ATP9B: variants seen among roughly 807,000 people sequenced by gnomAD.
ATP9B encodes the protein probable phospholipid-transporting ATPase IIB.
Under a neutral mutation model 146.1 loss-of-function variants are expected in ATP9B, and 110 were observed. The ratio of observed to expected loss-of-function variants is 0.75; its 90% confidence interval spans 0.65 to 0.88. The LOEUF (loss-of-function observed/expected upper bound fraction) is 0.88. Among genes scored for constraint, ATP9B ranks in the 40% least tolerant of loss-of-function variants. The pLI, the probability that ATP9B is intolerant of heterozygous loss-of-function variation, is 0.00. For synonymous variants in ATP9B, 604 were observed against 569.7 expected (o/e 1.06, Z -0.86); for missense variants, 1,499 against 1,496.4 (o/e 1.00, Z -0.03).
chr18:79,376,051 T>C, intron 29 of ATP9B: 1 of 985,202 alleles, frequency 1.0e-6, no homozygotes, highest in Non-Finnish European at 1.2e-6. Flanking sequence ...GAGAACATTC[T>C]CTGGGTGGGC....
At chr18:79,084,227 T>C (rs1252230731) in intron 1 of ATP9B, among the ~76,000 whole-genome samples, 4 of 152,022 alleles carry the variant, frequency 2.6e-5, no homozygotes, top group Admixed American at 2.6e-4. Context: ...ATGTTCATCA[T>C]GTCCAAAAGA....
At chr18:79,368,799 C>G (rs1394659792) in intron 26 of ATP9B, among the ~76,000 whole-genome samples, 2 of 151,984 alleles carry the variant, frequency 1.3e-5, no homozygotes, top group African/African-American at 4.8e-5. Context: ...GACCCTACCA[C>G]CAGCATACTC....
Position 79,126,333 on chromosome 18 carries a change from A to G in ATP9B, c.625A>G (p.Lys209Glu). Residue 209 changes from lysine to glutamate, a missense_variant, in exon 5 of 30, where the codon AAG (lysine) becomes GAG (glutamate). By Grantham distance (56) the Lys-to-Glu change is moderately conservative. Transcript: ENST00000426216. ...IDEFRRFQRD[K>E]EVNSQLYSKL... The stretch of plus-strand genomic sequence containing the variant: ...TGAATTTCGGCGTTTTCAGCGTGAC[A>G]AGGAAGTGAATTCACAACTATATAG... 6.2e-7 allele frequency: 1 copy of G among 1,612,088 alleles called. No individual in the cohort carries two copies. Among genetic ancestry groups the G allele is most frequent in the African/African-American group, 1.3e-5 (1 of 75,034 alleles).
chr18:79,083,640 C>T (rs2146548341), intron 1 of ATP9B, among the ~76,000 whole-genome samples: 1 of 152,210 alleles, frequency 6.6e-6, no homozygotes, highest in Admixed American at 6.5e-5. Flanking sequence ...TCCCTCAGTG[C>T]TTCCCTTGGC....
chr18:79,330,862 T>C (rs1001119610), intron 17 of ATP9B, among the ~76,000 whole-genome samples: 1 of 152,268 alleles, frequency 6.6e-6, no homozygotes, highest in East Asian at 1.9e-4. Flanking sequence ...AATAATACTT[T>C]ATATGTAATC....
intron 1 of ATP9B, among the ~76,000 whole-genome samples, chr18:79,091,898 T>C (rs682591): frequency 0.14 from 20,803 of 152,166 alleles, 2,031 homozygotes; most frequent in African/African-American, 0.27. Context: ...CCACTTGTAT[T>C]GGTTTTGCTG....
At chr18:79,158,044 A>G (rs1474363192) in intron 7 of ATP9B, among the ~76,000 whole-genome samples, 1 of 151,392 alleles carries the variant, frequency 6.6e-6, no homozygotes, top group East Asian at 1.9e-4. Context: ...TCTTCCTTCC[A>G]CTTATTTTCT....
intron 25 of ATP9B, chr18:79,353,809 G>C (rs1436032874): frequency 6.6e-6 from 1 of 152,232 alleles, no homozygotes; most frequent in Non-Finnish European, 1.5e-5. Context: ...AGGCAGCAAT[G>C]GGGTTTTTGT....
At chr18:79,352,804 TC>T (rs1239215633) in intron 25 of ATP9B, 1 of 152,190 alleles carries the variant, frequency 6.6e-6, no homozygotes, top group African/African-American at 2.4e-5. Context: ...AGCATGAACA[TC>T]GTGATGCATG....
chr18:79,311,874 A>G (rs2096654311), intron 15 of ATP9B, among the ~76,000 whole-genome samples: 1 of 152,104 alleles, frequency 6.6e-6, no homozygotes, highest in African/African-American at 2.4e-5. Flanking sequence ...CCTCTCTGTC[A>G]CCATCACCGG....
At chr18:79,081,128 C>A (rs547118284) in intron 1 of ATP9B, among the ~76,000 whole-genome samples, 1 of 152,264 alleles carries the variant, frequency 6.6e-6, no homozygotes, top group East Asian at 1.9e-4. Flanking sequence ...ATGATGCTGG[C>A]CTCATAAAAT....
intron 12 of ATP9B, among the ~76,000 whole-genome samples, chr18:79,266,181 T>G (rs2096201842): frequency 6.6e-6 from 1 of 152,166 alleles, no homozygotes; most frequent in African/African-American, 2.4e-5. Context: ...CTAAAATAAG[T>G]CTTCTCAAAT....
intron 1 of ATP9B, among the ~76,000 whole-genome samples, chr18:79,074,934 G>A (rs779007330): frequency 5.9e-5 from 9 of 152,216 alleles, no homozygotes; most frequent in Non-Finnish European, 1.3e-4. Context: ...CTTGCAGTAA[G>A]ATATTGTGAC....
At chr18:79,077,471 T>G (rs990978454) in intron 1 of ATP9B, among the ~76,000 whole-genome samples, 1 of 152,206 alleles carries the variant, frequency 6.6e-6, no homozygotes, top group African/African-American at 2.4e-5. Flanking sequence ...ATGGGTGGTG[T>G]TACCTTTTAG....
chr18:79,130,383 G>A (rs913769768), intron 5 of ATP9B, among the ~76,000 whole-genome samples: 1 of 151,022 alleles, frequency 6.6e-6, no homozygotes, highest in Non-Finnish European at 1.5e-5. Flanking sequence ...TTAAGCCTAG[G>A]TCAGTTGTAT....
chr18:79,239,502 G>A lies in ATP9B; in HGVS notation c.1108-13879G>A, dbSNP rs749531429. Among the ~76,000 whole-genome samples, 8 of 152,150 alleles carry A rather than the reference G, an allele frequency of 5.3e-5. No individual in the cohort carries two copies. Among genetic ancestry groups the A allele is most frequent in the Non-Finnish European group, 1.0e-4 (7 of 68,034 alleles). On this transcript the variant is annotated intron_variant, in intron 11 of 29. Coordinates refer to ENST00000426216, the MANE Select transcript of ATP9B (RefSeq NM_198531.5). The surrounding 1 kb of genome is among the most constrained non-coding windows in gnomAD (Gnocchi z 5.1). ...TGTGGCAGGGACAGGGACGTAGGAC[G>A]ATGGTGTCACGGCACTTAAAATTGT... is the stretch of plus-strand genomic sequence containing the variant.
At chr18:79,175,920 A>C (rs1327289408) in intron 7 of ATP9B, among the ~76,000 whole-genome samples, 1 of 152,226 alleles carries the variant, frequency 6.6e-6, no homozygotes, top group African/African-American at 2.4e-5. Flanking sequence ...ATGCATAGAG[A>C]TCTGTATGGA....
rs940065267 is a variant in ATP9B, at chr18:79,337,426, A to T, written c.2260A>T (p.Met754Leu). The change falls in exon 19 of 30, where the codon ATG becomes TTG. Residue 754 changes from methionine to leucine, a missense_variant. Physicochemically the swap from Met to Leu is conservative, Grantham distance 15. Transcript: ENST00000426216. Reference protein sequence around the residue: ...LQADVRPTLEMLRNAGIKIWM... With the variant: ...LQADVRPTLELLRNAGIKIWM... ...GGCAGACGTGCGGCCCACGCTGGAG[A>T]TGCTGCGCAACGCCGGGATCAAGGT... The T allele has an allele frequency of 1.9e-6, 3 of 1,612,334 alleles. No homozygotes were observed. In the African/African-American group the frequency reaches 4.0e-5, roughly 22 times the overall value.
At chr18:79,369,924 G>A (rs767314257) in intron 26 of ATP9B, among the ~76,000 whole-genome samples, 9 of 152,198 alleles carry the variant, frequency 5.9e-5, no homozygotes, top group Non-Finnish European at 1.2e-4. Context: ...CATGGCAAAA[G>A]CCCATCTCTA....
Sources: gnomAD v4.1 joint callset for allele counts (sites outside exome capture counted in the v4.1 genomes callset) on GRCh38, gnomAD v4.1.1 for gene constraint, Gnocchi (gnomAD v3.1) non-coding constraint, MANE v1.5 for transcripts, NCBI Gene and HGNC (gene_info 2026-07-23, HGNC 2026-07-21) for gene names.